The following TNIK variants were observed in gnomAD, a reference collection of about 807,000 sequenced individuals.
TNIK encodes TRAF2 and NCK interacting kinase.
In TNIK, 49 loss-of-function variants were observed where a neutral mutation model predicts 191.3. The observed-to-expected ratio is 0.26, with a 90% CI of 0.20 to 0.32. The LOEUF (loss-of-function observed/expected upper bound fraction) is 0.32, where lower values mean the gene tolerates loss of function less well. Ranked by LOEUF, TNIK falls within the 10% of genes least tolerant of loss-of-function variation. The probability of loss-of-function intolerance (pLI) is 1.00; values close to 1 mark genes in which losing one functional copy is unlikely to be tolerated. For missense variants in TNIK, 1,155 were observed against 1,702.3 expected, an observed-to-expected ratio of 0.68 and a Z score of 5.66; for synonymous variants, 594 against 600.9, an observed-to-expected ratio of 0.99 and a Z score of 0.17.
In TNIK at chr3:171,110,831, G is replaced by C. The variant is rs1007812376; in HGVS notation, c.2167C>G (p.Gln723Glu). The C allele has an allele frequency of 3.1e-6, 5 of 1,605,190 alleles. No individual in the cohort carries two copies. Among genetic ancestry groups the C allele is most frequent in the Admixed American group, 1.7e-5 (1 of 59,116 alleles). The change falls in exon 19 of 33, where the codon CAG (glutamine) becomes GAG (glutamate). Residue 723 changes from glutamine (Q) to glutamate (E), a missense_variant. Coordinates refer to ENST00000436636, the MANE Select transcript of TNIK (RefSeq NM_015028.4). ...RTEPILESPL[Q>E]RTSSGSSSSS... ...GAGGAACTGCCACTGCTGGTCCTCT[G>C]CAAGGGGCTCTCCAAGATGGGCTCA... is the stretch of plus-strand genomic sequence containing the variant.
At chr3:171,351,310 AGGTG>A (rs1013054093) in intron 2 of TNIK, among the ~76,000 whole-genome samples, 1 of 109,410 alleles carries the variant, frequency 9.1e-6, no homozygotes, top group African/African-American at 2.8e-5. Flanking sequence ...CAGATATAGG[AGGTG>A]TGTATATGTG....
intron 2 of TNIK, among the ~76,000 whole-genome samples, chr3:171,322,823 ATTG>A (rs1304694211): frequency 2.2e-5 from 3 of 137,750 alleles, no homozygotes; most frequent in African/African-American, 8.2e-5. Context: ...TGTTGTTATT[ATTG>A]TTGTTTTCTT....
intron 2 of TNIK, among the ~76,000 whole-genome samples, chr3:171,234,487 C>T (rs1037580924): frequency 6.6e-6 from 1 of 152,210 alleles, no homozygotes; most frequent in Non-Finnish European, 1.5e-5. Context: ...ACACCACTCA[C>T]TGTGAATTCC....
intron 27 of TNIK, among the ~76,000 whole-genome samples, chr3:171,080,015 CATG>C (rs374083000): frequency 2.6e-5 from 4 of 152,312 alleles, no homozygotes; most frequent in African/African-American, 9.6e-5. Flanking sequence ...AGATCAATCA[CATG>C]AAGAAGTGTT....
intron 2 of TNIK, among the ~76,000 whole-genome samples, chr3:171,298,461 C>T (rs185575768): frequency 6.6e-6 from 1 of 152,296 alleles, no homozygotes; most frequent in Non-Finnish European, 1.5e-5. Context: ...ATGTTCCAGC[C>T]CCTTGCAGTT....
chr3:171,129,500 T>C (rs1338171726), intron 15 of TNIK, among the ~76,000 whole-genome samples: 1 of 152,210 alleles, frequency 6.6e-6, no homozygotes, highest in East Asian at 1.9e-4. Flanking sequence ...TCCTGCTTCC[T>C]CAAATACACT....
intron 2 of TNIK, among the ~76,000 whole-genome samples, chr3:171,333,830 G>A (rs76667013): frequency 0.015 from 2,321 of 152,244 alleles, 57 homozygotes; most frequent in East Asian, 0.062. Context: ...TCAGTTACTC[G>A]ACAGATACAG....
chr3:171,398,799 T>C (rs6787776), intron 1 of TNIK, among the ~76,000 whole-genome samples: 113,053 of 152,058 alleles, frequency 0.74, 43,360 homozygotes, highest in African/African-American at 0.85. Flanking sequence ...ATCGCAAGTC[T>C]GCAGTTTTGC....
chr3:171,175,471 A>G, intron 8 of TNIK, 141 bp from the exon 9 acceptor site: 1 of 644,032 alleles, frequency 1.6e-6, no homozygotes, highest in Non-Finnish European at 2.7e-6. Context: ...GAATATCCAA[A>G]TGCTTCTGAG....
intron 28 of TNIK, among the ~76,000 whole-genome samples, chr3:171,074,503 T>C (rs1225965379): frequency 6.6e-6 from 1 of 151,972 alleles, no homozygotes; most frequent in Non-Finnish European, 1.5e-5. Flanking sequence ...CCCCTGGATC[T>C]AAAATAAATT....
intron 9 of TNIK, among the ~76,000 whole-genome samples, chr3:171,168,872 C>T (rs999339329): frequency 3.9e-5 from 6 of 152,134 alleles, no homozygotes; most frequent in Non-Finnish European, 7.4e-5. Context: ...TGAGTGAATG[C>T]GTGATGAAGG....
chr3:171,235,788 T>C (rs933270629), intron 2 of TNIK, among the ~76,000 whole-genome samples: 1 of 151,198 alleles, frequency 6.6e-6, no homozygotes, highest in African/African-American at 2.4e-5. Context: ...GTTTATAGAG[T>C]GAGATTTTAG....
intron 2 of TNIK, among the ~76,000 whole-genome samples, chr3:171,291,599 G>A (rs922287169): frequency 3.9e-5 from 6 of 152,244 alleles, no homozygotes; most frequent in South Asian, 2.1e-4. Context: ...CTCCAGATGC[G>A]TGTCCATGAT....
At chr3:171,117,762 A>G (rs1430854643) in intron 18 of TNIK, among the ~76,000 whole-genome samples, 1 of 152,122 alleles carries the variant, frequency 6.6e-6, no homozygotes, top group African/African-American at 2.4e-5. Flanking sequence ...CGAGGTCAGG[A>G]GATCGAGATC....
At chr3:171,219,954 G>A (rs1577158856) in intron 3 of TNIK, among the ~76,000 whole-genome samples, 1 of 152,140 alleles carries the variant, frequency 6.6e-6, no homozygotes, top group South Asian at 2.1e-4. Flanking sequence ...TATGTTTATT[G>A]TGGCACTGTT....
chr3:171,381,073 G>A (rs1303840877), intron 1 of TNIK, among the ~76,000 whole-genome samples: 1 of 150,836 alleles, frequency 6.6e-6, no homozygotes, highest in Non-Finnish European at 1.5e-5. Context: ...TTTTTTTCAA[G>A]CTTTTATATC....
At chr3:171,298,224 CTG>C (rs1402093316) in intron 2 of TNIK, among the ~76,000 whole-genome samples, 2 of 152,218 alleles carry the variant, frequency 1.3e-5, no homozygotes, top group African/African-American at 4.8e-5. Context: ...GTCAGGAACA[CTG>C]TCATTCATGG....
intron 2 of TNIK, among the ~76,000 whole-genome samples, chr3:171,301,663 A>G (rs1752898828): frequency 6.6e-6 from 1 of 152,200 alleles, no homozygotes; most frequent in South Asian, 2.1e-4. Context: ...TAAGACATAA[A>G]TGTAGGGAAC....
At chr3:171,211,802 A>G (rs1419026941) in intron 3 of TNIK, among the ~76,000 whole-genome samples, 1 of 152,178 alleles carries the variant, frequency 6.6e-6, no homozygotes, top group Non-Finnish European at 1.5e-5. Flanking sequence ...CCTCACCTTC[A>G]GGAAACTCAC....
Sources: gnomAD v4.1 joint callset for allele counts (sites outside exome capture counted in the v4.1 genomes callset) on GRCh38, gnomAD v4.1.1 for gene constraint, MANE v1.5 for transcripts, NCBI Gene and HGNC (gene_info 2026-07-23, HGNC 2026-07-21) for gene names.